ALPK3: variants seen among roughly 807,000 people sequenced by gnomAD.
The protein encoded by ALPK3 is alpha kinase 3, also known as alpha-protein kinase 3.
ALPK3 carries 102 observed loss-of-function variants against 140.0 expected under a neutral mutation model. That is an observed-to-expected ratio of 0.73 (90% confidence interval 0.62 to 0.86). The LOEUF (loss-of-function observed/expected upper bound fraction) is 0.86. Among genes scored for constraint, ALPK3 ranks in the 40% least tolerant of loss-of-function variants. ALPK3 has a pLI of 0.00. For missense variants in ALPK3, 2,254 were observed against 2,208.2 expected, an observed-to-expected ratio of 1.02 and a Z score of -0.42; for synonymous variants, 938 against 898.5, an observed-to-expected ratio of 1.04 and a Z score of -0.79.
At chr15:84,847,493 A>G in intron 5 of ALPK3, among the ~76,000 whole-genome samples, 1 of 152,236 alleles carries the variant, frequency 6.6e-6, no homozygotes, top group Admixed American at 6.5e-5. Flanking sequence ...ACTGTTGGAA[A>G]GTAAAGACAA....
intron 5 of ALPK3, 65 bp from the exon 6 acceptor site, chr15:84,856,327 C>T: frequency 6.5e-7 from 1 of 1,530,280 alleles, no homozygotes; most frequent in Non-Finnish European, 8.8e-7. Flanking sequence ...GACTGGGATG[C>T]CAGACTGGAA....
In ALPK3 at chr15:84,839,703, T is replaced by C. The variant is rs2141556124; in HGVS notation, c.424T>C (p.Cys142Arg). ...GNRHTLQLYR[C>R]REEDAAIYQA... is the part of the protein sequence containing the mutation. ...GGCACCTCCCGCTCCTACCTCTAGG[T>C]GTCGAGAAGAAGATGCCGCCATCTA... Residue 142 changes from cysteine (C) to arginine (R), a missense_variant and splice_region_variant, in exon 5 of 14, where the codon TGT becomes CGT. Cys to Arg is a radical substitution (Grantham distance 180). Around this residue, in one of 3 missense-constraint regions of ALPK3, gnomAD observed 2,088 missense variants for 2,022.9 expected, o/e 1.03. Coordinates refer to ENST00000258888, the MANE Select transcript of ALPK3 (RefSeq NM_020778.5). 3.8e-6 allele frequency: 6 copies of C among 1,597,590 alleles called. No individual in the cohort carries two copies. Among genetic ancestry groups the C allele is most frequent in the Non-Finnish European group, 4.3e-6 (5 of 1,170,180 alleles).
In ALPK3 at chr15:84,839,755, G is replaced by A. The variant is rs1963635162; in HGVS notation, c.476G>A (p.Gly159Asp). Reference protein sequence around the residue: ...IYQASAQNSKGIVSCSGVLEV... With the variant: ...IYQASAQNSKDIVSCSGVLEV... The stretch of plus-strand genomic sequence containing the variant: ...CAGGCCTCTGCCCAGAACAGCAAGG[G>A]CATTGTGTCCTGCTCAGGGGTCCTG... The change falls in exon 5 of 14, where the codon GGC (glycine) becomes GAC (aspartate). Residue 159 changes from glycine to aspartate, a missense_variant. By Grantham distance (94) the Gly-to-Asp change is moderately conservative. This residue lies in a region of ALPK3 where 2,088 missense variants were observed against 2,022.9 expected (regional missense o/e 1.03). Coordinates refer to ENST00000258888, the MANE Select transcript of ALPK3 (RefSeq NM_020778.5). 2 of 1,614,176 alleles carry A rather than the reference G, an allele frequency of 1.2e-6. No homozygotes were observed. The highest frequency in any genetic ancestry group is 2.2e-5 in the South Asian group (2 of 91,088).
rs1963980961 is a variant in ALPK3 at position 84,864,376 on chromosome 15, T to C, written c.4500-66T>C. On this transcript the variant is annotated intron_variant, in intron 11 of 13. Transcript: ENST00000258888. ...TTCTTTTAGGTCCAAGAATACAGAA[T>C]TGGGTGGGAGGGAGGAGCTCTCTGG... 3 of 1,492,930 alleles carry C rather than the reference T, an allele frequency of 2.0e-6. No individual in the cohort carries two copies. The South Asian group carries it at 3.5e-5, about 18-fold the overall frequency. The allele number at this position is 1,492,930 out of a possible 1,614,324, so 92.5% of individuals were successfully genotyped here. A position where few individuals can be genotyped will look rare whatever the true frequency, so the allele number is the denominator to read the frequency against.
At chr15:84,855,461 G>C (rs2141566532) in intron 5 of ALPK3, among the ~76,000 whole-genome samples, 1 of 152,262 alleles carries the variant, frequency 6.6e-6, no homozygotes, top group East Asian at 1.9e-4. Flanking sequence ...AAAGGAGTTT[G>C]CTTTGTTTAT....
At chr15:84,846,834 G>A (rs928679286) in intron 5 of ALPK3, among the ~76,000 whole-genome samples, 2 of 152,016 alleles carry the variant, frequency 1.3e-5, no homozygotes, top group Admixed American at 6.6e-5. Flanking sequence ...GCATGATCTC[G>A]GTTCACTGCA....
At chr15:84,837,362 G>A (rs1305081638) in intron 3 of ALPK3, among the ~76,000 whole-genome samples, 1 of 152,208 alleles carries the variant, frequency 6.6e-6, no homozygotes, top group Non-Finnish European at 1.5e-5. Flanking sequence ...CGAGCAGGTG[G>A]GATCCAGTGA....
chr15:84,827,602 A>G lies in ALPK3; in HGVS notation c.301A>G (p.Thr101Ala), dbSNP rs199645892. The G allele has an allele frequency of 2.3e-4, 377 of 1,613,930 alleles. No homozygotes were observed. The highest frequency in any genetic ancestry group is 3.0e-4 in the Non-Finnish European group (353 of 1,180,046). ...CGACGTCAGGTTCACCTGCATCGTC[A>G]CAGGTAAGGATGCTGTCTGTATGCT... Reference protein sequence around the residue: ...DSDVRFTCIVTGYPEPEVTWY... With the variant: ...DSDVRFTCIVAGYPEPEVTWY... The change falls in exon 3 of 14, where the codon ACA becomes GCA. Residue 101 changes from threonine (T) to alanine (A), a missense_variant. By Grantham distance (58) the Thr-to-Ala change is moderately conservative. This residue lies in a region of ALPK3 where 2,088 missense variants were observed against 2,022.9 expected (regional missense o/e 1.03). Coordinates refer to ENST00000258888, the MANE Select transcript of ALPK3 (RefSeq NM_020778.5).
intron 1 of ALPK3, among the ~76,000 whole-genome samples, chr15:84,821,778 C>T (rs572211136): frequency 3.1e-4 from 47 of 152,192 alleles, no homozygotes; most frequent in African/African-American, 1.1e-3. Flanking sequence ...AAATACCCAT[C>T]GTCTGTGCAG....
Position 84,857,164 on chromosome 15 carries a change from G to T in ALPK3, c.2426G>T (p.Ser809Ile). ...MLPAQPPHEG[S>I]VEQVGGERCR... Reference sequence around the variant, plus strand: ...CCAGCACAGCCGCCCCATGAGGGGAGTGTGGAGCAGGTGGGAGGAGAGAGA... The same window carrying T: ...CCAGCACAGCCGCCCCATGAGGGGATTGTGGAGCAGGTGGGAGGAGAGAGA... The change falls in exon 6 of 14, where the codon AGT becomes ATT. Residue 809 changes from serine to isoleucine, a missense_variant. Around this residue, in one of 3 missense-constraint regions of ALPK3, gnomAD observed 2,088 missense variants for 2,022.9 expected, o/e 1.03. Transcript: ENST00000258888. 1 of 1,614,144 alleles carries T rather than the reference G, an allele frequency of 6.2e-7. No homozygotes were observed. Among genetic ancestry groups the T allele is most frequent in the Non-Finnish European group, 8.5e-7 (1 of 1,179,988 alleles).
rs1365561580 is a variant in ALPK3 at position 84,859,816 on chromosome 15, G to A, written c.4006G>A (p.Ala1336Thr). The A allele has an allele frequency of 1.9e-6, 3 of 1,613,658 alleles. No homozygotes were observed. Among genetic ancestry groups the A allele is most frequent in the Non-Finnish European group, 2.5e-6 (3 of 1,180,022 alleles). The change falls in exon 8 of 14, where the codon GCC (alanine) becomes ACC (threonine). Residue 1336 changes from alanine (A) to threonine (T), a missense_variant. Ala to Thr is a moderately conservative substitution (Grantham distance 58). Transcript: ENST00000258888. Reference protein sequence around the residue: ...EGPAALAIVQASPVDCGVYRC... With the variant: ...EGPAALAIVQTSPVDCGVYRC... ...GCCGGCGGCCTTGGCCATCGTGCAG[G>A]CCTCCCCCGTAGACTGCGGTGTGTA...
chr15:84,858,156 G>A lies in ALPK3; in HGVS notation c.3418G>A (p.Glu1140Lys), dbSNP rs752982998. 9.9e-6 allele frequency: 16 copies of A among 1,608,492 alleles called. No homozygotes were observed. The highest frequency in any genetic ancestry group is 1.3e-5 in the Non-Finnish European group (15 of 1,177,970). The change falls in exon 6 of 14, where the codon GAG becomes AAG. Residue 1140 changes from glutamate (E) to lysine (K), a missense_variant. Physicochemically the swap from Glu to Lys is moderately conservative, Grantham distance 56. Around this residue, in one of 3 missense-constraint regions of ALPK3, gnomAD observed 2,088 missense variants for 2,022.9 expected, o/e 1.03. Transcript: ENST00000258888. ...AESIAQEPSQ[E>K]EKFPGEALTG... ...GAGCATAGCCCAGGAGCCCTCCCAA[G>A]AGGAGAAGTTCCCAGGGGAGGCTCT...
At chr15:84,848,203 T>C (rs1473810967) in intron 5 of ALPK3, among the ~76,000 whole-genome samples, 2 of 151,802 alleles carry the variant, frequency 1.3e-5, no homozygotes, top group Non-Finnish European at 2.9e-5. Flanking sequence ...ATATAATAGA[T>C]TATTTCATCT....
Position 84,869,275 on chromosome 15 carries a change from TCACCC to T in ALPK3, c.*823_*827del, listed in dbSNP as rs1964041199. The stretch of plus-strand genomic sequence containing the variant: ...GGTGAGGAACAGACCCTCTGGCCTC[TCACCC>T]CACTTCAGTGCTCTCTTCCCCAACT... On this transcript the variant is annotated 3_prime_UTR_variant, in exon 14 of 14. Coordinates refer to ENST00000258888, the MANE Select transcript of ALPK3 (RefSeq NM_020778.5). The T allele has an allele frequency of 1.3e-5, 2 of 152,456 alleles. No individual in the cohort carries two copies. Among genetic ancestry groups the T allele is most frequent in the Non-Finnish European group, 2.9e-5 (2 of 68,230 alleles). 9.4% of individuals were successfully genotyped at this position (152,456 alleles called of 1,614,324 possible). A position where few individuals can be genotyped will look rare whatever the true frequency, so the allele number is the denominator to read the frequency against.
rs2141567039 is a variant in ALPK3 at position 84,856,390 on chromosome 15, A to C, written c.1654-2A>C. 1 of 1,583,480 alleles carries C rather than the reference A, an allele frequency of 6.3e-7. No homozygotes were observed. On this transcript the variant is annotated splice_acceptor_variant, in intron 5 of 13. Coordinates refer to ENST00000258888, the MANE Select transcript of ALPK3 (RefSeq NM_020778.5). LOFTEE classifies it high-confidence loss of function. ...TCCTTGCTTTTGTCCCTCTGTTTTC[A>C]GGTCCTGGAATGCCAGACAACCACG...
Position 84,839,962 on chromosome 15 carries a change from G to A in ALPK3, c.683G>A (p.Ser228Asn), listed in dbSNP as rs1479840741. 1 of 1,613,368 alleles carries A rather than the reference G, an allele frequency of 6.2e-7. No homozygotes were observed. The change falls in exon 5 of 14, where the codon AGC (serine) becomes AAC (asparagine). Residue 228 changes from serine to asparagine, a missense_variant. Ser to Asn is a conservative substitution (Grantham distance 46). Coordinates refer to ENST00000258888, the MANE Select transcript of ALPK3 (RefSeq NM_020778.5). ...CGCTTCCAGCGAAAGCGGCGATTGA[G>A]CGGGGCTCAAGCGCCGGGCCCCTCG... Reference protein sequence around the residue: ...PDRFQRKRRLSGAQAPGPSVP... With the variant: ...PDRFQRKRRLNGAQAPGPSVP...
chr15:84,843,412 G>C (rs1963689321), intron 5 of ALPK3, among the ~76,000 whole-genome samples: 1 of 152,178 alleles, frequency 6.6e-6, no homozygotes, highest in Non-Finnish European at 1.5e-5. Context: ...AGGTTGCAGT[G>C]AGCAATAGTT....
rs962534715 is a variant in ALPK3, at chr15:84,859,136, C to G, written c.3818-107C>G. 40 of 1,484,482 alleles carry G rather than the reference C, an allele frequency of 2.7e-5. No individual in the cohort carries two copies. In the African/African-American group the frequency reaches 5.0e-4, roughly 19 times the overall value. The allele number at this position is 1,484,482 out of a possible 1,614,324, so 92.0% of individuals were successfully genotyped here. A position where few individuals can be genotyped will look rare whatever the true frequency, so the allele number is the denominator to read the frequency against. On this transcript the variant is annotated intron_variant, in intron 6 of 13. Coordinates refer to ENST00000258888, the MANE Select transcript of ALPK3 (RefSeq NM_020778.5). ...TGTGAGTGGTAGGTCTGTGTGGAGA[C>G]TTGAATCCTGTTTTCTCCCAGCCTT...
intron 3 of ALPK3, among the ~76,000 whole-genome samples, chr15:84,833,261 C>T (rs1223454964): frequency 6.6e-6 from 1 of 152,142 alleles, no homozygotes; most frequent in Non-Finnish European, 1.5e-5. Context: ...CCTTTCCTGC[C>T]CCCACTCATC....
Sources: gnomAD v4.1 joint callset for allele counts (sites outside exome capture counted in the v4.1 genomes callset) on GRCh38, gnomAD v4.1.1 for gene constraint, gnomAD v4.1.1 regional missense constraint, MANE v1.5 for transcripts, NCBI Gene and HGNC (gene_info 2026-07-23, HGNC 2026-07-21) for gene names.